The following RNF103 variants were observed in gnomAD, a reference collection of about 807,000 sequenced individuals.
RNF103 encodes E3 ubiquitin-protein ligase RNF103.
Under a neutral mutation model 66.2 loss-of-function variants are expected in RNF103, and 23 were observed. That is an observed-to-expected ratio of 0.35 (90% CI 0.25 to 0.49). The LOEUF is 0.49. Ranked by LOEUF, RNF103 falls within the 20% of genes least tolerant of loss-of-function variation. RNF103 has a pLI of 0.98. For synonymous variants in RNF103, 297 were observed against 289.9 expected (o/e 1.02, Z -0.25); for missense variants, 730 against 814.7 (o/e 0.90, Z 1.27).
chr2:86,608,635 C>T (rs969735174), intron 3 of RNF103, among the ~76,000 whole-genome samples: 1 of 151,988 alleles, frequency 6.6e-6, no homozygotes, highest in African/African-American at 2.4e-5. Flanking sequence ...TCTCCTTCCC[C>T]GTTTTTTCCA....
Position 86,620,340 on chromosome 2 carries a change from C to A in RNF103, c.356G>T (p.Trp119Leu). The A allele has an allele frequency of 1.2e-6, 2 of 1,602,096 alleles. No individual in the cohort carries two copies. The highest frequency in any genetic ancestry group is 1.7e-6 in the Non-Finnish European group (2 of 1,171,790). The change falls in exon 2 of 4, where the codon TGG (tryptophan) becomes TTG (leucine). Residue 119 changes from tryptophan (W) to leucine (L), a missense_variant. Around this residue, in one of 3 missense-constraint regions of RNF103, gnomAD observed 327 missense variants for 369.8 expected, o/e 0.88. Coordinates refer to ENST00000237455, the MANE Select transcript of RNF103 (RefSeq NM_005667.4). Reference protein sequence around the residue: ...ELVEDTKDGIWLVQVIANDRS... With the variant: ...ELVEDTKDGILLVQVIANDRS... ...TACTGCTTTTCATACCTGAACCAGC[C>A]AGATGCCATCTTTTGTGTCTTCCAC... is the stretch of plus-strand genomic sequence containing the variant.
chr2:86,620,649 T>C (rs1167796677), intron 1 of RNF103, among the ~76,000 whole-genome samples, 180 bp from the exon 2 acceptor site: 2 of 152,166 alleles, frequency 1.3e-5, no homozygotes, highest in South Asian at 2.1e-4. Context: ...TCAATAAATA[T>C]GTAGTAAGAA....
chr2:86,610,480 C>T (rs1678748944), intron 3 of RNF103, among the ~76,000 whole-genome samples: 2 of 152,124 alleles, frequency 1.3e-5, no homozygotes, highest in South Asian at 4.1e-4. Flanking sequence ...TCTGCCCCCA[C>T]CAAATCATTC....
intron 3 of RNF103, 48 bp from the exon 4 acceptor site, chr2:86,605,466 AATTT>A: frequency 2.0e-6 from 3 of 1,517,660 alleles, no homozygotes; most frequent in Non-Finnish European, 2.6e-6. Flanking sequence ...TAATGCAAAC[AATTT>A]ATCTTCCCTG....
intron 2 of RNF103, chr2:86,618,794 G>C (rs1440049494): frequency 2.6e-5 from 4 of 152,076 alleles, no homozygotes; most frequent in African/African-American, 4.8e-5. Flanking sequence ...CAGACTATTA[G>C]AAATAAGTAC....
intron 1 of RNF103, among the ~76,000 whole-genome samples, chr2:86,621,684 G>A (rs1032020735): frequency 2.6e-5 from 4 of 151,184 alleles, no homozygotes; most frequent in African/African-American, 9.8e-5. Flanking sequence ...TACTAAAGAA[G>A]GAAAAGATTT....
intron 1 of RNF103, 124 bp downstream of exon 1, chr2:86,622,537 G>C: frequency 1.1e-6 from 1 of 901,268 alleles, no homozygotes; most frequent in East Asian, 2.4e-5. Flanking sequence ...CTTGGACGAA[G>C]AAACCTGGGC....
intron 3 of RNF103, among the ~76,000 whole-genome samples, chr2:86,608,381 G>A (rs577746387): frequency 6.6e-6 from 1 of 151,562 alleles, no homozygotes; most frequent in East Asian, 1.9e-4. Flanking sequence ...CAGCTACTTG[G>A]GGGGCTGAGA....
chr2:86,604,189 C>T lies in RNF103; in HGVS notation c.1712G>A (p.Cys571Tyr). The T allele has an allele frequency of 6.2e-7, 1 of 1,613,938 alleles. No individual in the cohort carries two copies. The highest frequency in any genetic ancestry group is 8.5e-7 in the Non-Finnish European group (1 of 1,180,040). Residue 571 changes from cysteine to tyrosine, a missense_variant, in exon 4 of 4, where the codon TGT becomes TAT. Transcript: ENST00000237455. The part of the protein sequence containing the change: ...LHNSPGTASH[C>Y]DAEACSCANK... ...GGCACATGAACAAGCCTCAGCATCACAGTGACTTGCTGTTCCTGGAGAATT... is the reference window on the plus strand; with the variant it reads ...GGCACATGAACAAGCCTCAGCATCATAGTGACTTGCTGTTCCTGGAGAATT...
intron 2 of RNF103, chr2:86,617,704 T>A: frequency 1.0e-6 from 1 of 995,020 alleles, no homozygotes; most frequent in Non-Finnish European, 1.2e-6. Context: ...GATTAATATA[T>A]ATGATCTGAG....
At position 86,605,422 on chromosome 2, in the gene RNF103, C is replaced by A. The variant is rs746690084; in HGVS notation, c.483-4G>T. ...CCAGCCTCTTCTCCTGCAATATCTA[C>A]AAGAGAGGAAACTGTAAATAAACAG... On this transcript the variant is annotated splice_region_variant and splice_polypyrimidine_tract_variant and intron_variant, in intron 3 of 3. Transcript: ENST00000237455. The A allele has an allele frequency of 2.1e-4, 341 of 1,588,088 alleles. 1 individual carries two copies. Among genetic ancestry groups the A allele is most frequent in the Non-Finnish European group, 2.8e-4 (322 of 1,169,734 alleles).
At chr2:86,615,052 C>T in intron 2 of RNF103, 1 of 985,244 alleles carries the variant, frequency 1.0e-6, no homozygotes, top group Non-Finnish European at 1.2e-6. Context: ...GTGATAAGAG[C>T]TCCAATGTTA....
rs553634239 is a variant in RNF103 at position 86,618,628 on chromosome 2, AAGT to A, written c.366+1699_366+1701del. On this transcript the variant is annotated intron_variant, in intron 2 of 3. Coordinates refer to ENST00000237455, the MANE Select transcript of RNF103 (RefSeq NM_005667.4). The stretch of plus-strand genomic sequence containing the variant: ...TCAAGACTTTTGACATAGCCCTTCC[AAGT>A]TTCAAAGGTGTGCAACATCTTCACC... 49 of 152,346 alleles carry A rather than the reference AAGT, an allele frequency of 3.2e-4. 1 individual carries two copies. The highest frequency in any genetic ancestry group is 1.1e-3 in the African/African-American group (47 of 41,590). 9.4% of individuals were successfully genotyped at this position (152,346 alleles called of 1,614,324 possible). A position where few individuals can be genotyped will look rare whatever the true frequency, so the allele number is the denominator to read the frequency against.
At chr2:86,606,713 T>C (rs1242112902) in intron 3 of RNF103, among the ~76,000 whole-genome samples, 3 of 151,134 alleles carry the variant, frequency 2.0e-5, no homozygotes, top group African/African-American at 7.3e-5. Context: ...ACAGCTGTTG[T>C]ATCCCAGTAA....
intron 2 of RNF103, among the ~76,000 whole-genome samples, chr2:86,616,077 A>C (rs1383089931): frequency 6.6e-6 from 1 of 152,198 alleles, no homozygotes; most frequent in Non-Finnish European, 1.5e-5. Flanking sequence ...CAGTGGCATA[A>C]ATGGTACCCT....
intron 2 of RNF103, chr2:86,614,544 A>C (rs1678942834): frequency 6.4e-6 from 1 of 156,828 alleles, no homozygotes; most frequent in African/African-American, 2.4e-5. Flanking sequence ...CAGAGGTTGC[A>C]GTGAGCCGAG....
chr2:86,613,869 C>T (rs1175988325), intron 2 of RNF103: 1 of 152,104 alleles, frequency 6.6e-6, no homozygotes, highest in African/African-American at 2.4e-5. Context: ...CATCTTATCA[C>T]ATAAGTTTGA....
At chr2:86,617,316 T>C (rs1229730721) in intron 2 of RNF103, 1 of 985,308 alleles carries the variant, frequency 1.0e-6, no homozygotes, top group Non-Finnish European at 1.2e-6. Flanking sequence ...CAGCTTCTTC[T>C]AAAATACAGT....
In RNF103 at chr2:86,623,275, C is replaced by A. The variant is rs1157965933; in HGVS notation, c.-389G>T. 1 of 995,910 alleles carries A rather than the reference C, an allele frequency of 1.0e-6. No individual in the cohort carries two copies. Among genetic ancestry groups the A allele is most frequent in the Admixed American group, 6.1e-5 (1 of 16,332 alleles). 61.7% of individuals were successfully genotyped at this position (995,910 alleles called of 1,614,324 possible). On this transcript the variant is annotated 5_prime_UTR_variant, in exon 1 of 4. Coordinates refer to ENST00000237455, the MANE Select transcript of RNF103 (RefSeq NM_005667.4). The stretch of plus-strand genomic sequence containing the variant: ...GACCCAGGTGGCGGGGTCGGCCCTC[C>A]GGTGCCGCGATCTCAAGGGGGAGGG...
Sources: gnomAD v4.1 joint callset for allele counts (sites outside exome capture counted in the v4.1 genomes callset) on GRCh38, gnomAD v4.1.1 for gene constraint, gnomAD v4.1.1 regional missense constraint, MANE v1.5 for transcripts, NCBI Gene and HGNC (gene_info 2026-07-23, HGNC 2026-07-21) for gene names.